The following FILIP1 variants were observed in gnomAD, a reference collection of about 807,000 sequenced individuals.
The protein encoded by FILIP1 is filamin-A-interacting protein 1.
A neutral mutation model predicts 102.1 loss-of-function variants in FILIP1; 61 were observed. The observed-to-expected ratio is 0.60, with a 90% confidence interval of 0.49 to 0.74. The LOEUF (loss-of-function observed/expected upper bound fraction) is 0.74, where lower values mean the gene tolerates loss of function less well. Ranked by LOEUF, FILIP1 falls within the 30% of genes least tolerant of loss-of-function variation. The pLI is 0.00. For missense variants in FILIP1, 1,314 were observed against 1,441.2 expected (o/e 0.91, Z 1.43); for synonymous variants, 491 against 526.9 (o/e 0.93, Z 0.93).
intron 1 of FILIP1, among the ~76,000 whole-genome samples, chr6:75,441,592 G>A (rs904185284): frequency 8.0e-5 from 12 of 150,554 alleles, no homozygotes; most frequent in South Asian, 4.2e-4. Flanking sequence ...CGGACGGGGC[G>A]GCTGGCCGGG....
chr6:75,416,249 G>C (rs1334281967), intron 1 of FILIP1, among the ~76,000 whole-genome samples: 1 of 152,108 alleles, frequency 6.6e-6, no homozygotes, highest in Non-Finnish European at 1.5e-5. Flanking sequence ...TTCAGATAGT[G>C]AATATCCAAT....
intron 3 of FILIP1, among the ~76,000 whole-genome samples, chr6:75,359,022 A>G (rs1035936986): frequency 2.0e-5 from 3 of 150,946 alleles, no homozygotes; most frequent in African/African-American, 7.3e-5. Flanking sequence ...TTTATTTTTG[A>G]GAAAGAGTCT....
chr6:75,408,310 C>T (rs1158937548), intron 2 of FILIP1, among the ~76,000 whole-genome samples: 2 of 152,180 alleles, frequency 1.3e-5, no homozygotes, highest in African/African-American at 4.8e-5. Context: ...AAATGTCCCT[C>T]TTCAAGACAA....
intron 1 of FILIP1, among the ~76,000 whole-genome samples, chr6:75,463,430 C>T (rs935708609): frequency 2.0e-4 from 30 of 152,104 alleles, no homozygotes; most frequent in African/African-American, 7.0e-4. Flanking sequence ...GCTAATTATG[C>T]TCAAGTATAA....
At chr6:75,412,346 A>C (rs1047983881) in intron 2 of FILIP1, among the ~76,000 whole-genome samples, 3 of 152,186 alleles carry the variant, frequency 2.0e-5, no homozygotes, top group African/African-American at 7.2e-5. Context: ...TAAATATACA[A>C]TCATGTTATC....
chr6:75,304,828 G>A (rs1242965139), downstream of FILIP1, among the ~76,000 whole-genome samples: 1 of 152,186 alleles, frequency 6.6e-6, no homozygotes, highest in Non-Finnish European at 1.5e-5. Context: ...GAAGTGGTAA[G>A]GAACATCTGT....
intron 2 of FILIP1, among the ~76,000 whole-genome samples, chr6:75,368,948 G>C (rs559854524): frequency 3.1e-4 from 47 of 152,296 alleles, no homozygotes; most frequent in Non-Finnish European, 5.0e-4. Context: ...GGGCAGGCCA[G>C]GAACTGTGTT....
At chr6:75,369,472 G>A (rs566796699) in intron 2 of FILIP1, among the ~76,000 whole-genome samples, 37 of 152,140 alleles carry the variant, frequency 2.4e-4, no homozygotes, top group Non-Finnish European at 3.4e-4. Flanking sequence ...GAATTTCATT[G>A]ATCATGTTTC....
chr6:75,380,323 G>GATATAGTT (rs1168742971), intron 2 of FILIP1, among the ~76,000 whole-genome samples: 14 of 151,952 alleles, frequency 9.2e-5, no homozygotes, highest in Non-Finnish European at 4.4e-5. Context: ...AAAGAAAAAT[G>GATATAGTT]CCTGAAAGGT....
chr6:75,364,940 G>A (rs895393016), intron 2 of FILIP1, among the ~76,000 whole-genome samples: 16 of 152,166 alleles, frequency 1.1e-4, no homozygotes, highest in East Asian at 7.7e-4. Context: ...AGACAAACTC[G>A]TCTTTAAAGA....
chr6:75,364,600 G>A (rs1399094775), intron 2 of FILIP1, among the ~76,000 whole-genome samples: 1 of 152,140 alleles, frequency 6.6e-6, no homozygotes, highest in African/African-American at 2.4e-5. Flanking sequence ...AATGCTGACT[G>A]TGCTGAAGTC....
At chr6:75,345,610 G>A (rs958977302) in intron 4 of FILIP1, among the ~76,000 whole-genome samples, 2 of 152,056 alleles carry the variant, frequency 1.3e-5, no homozygotes, top group African/African-American at 4.8e-5. Flanking sequence ...AGCCTTTTCC[G>A]TGCGCTATGT....
intron 1 of FILIP1, among the ~76,000 whole-genome samples, chr6:75,430,193 G>C (rs1777780495): frequency 6.6e-6 from 1 of 152,144 alleles, no homozygotes; most frequent in Non-Finnish European, 1.5e-5. Flanking sequence ...TGTAAGACGT[G>C]CCTGCTTCCT....
chr6:75,324,436 C>T (rs1413002652), intron 4 of FILIP1, among the ~76,000 whole-genome samples: 1 of 149,792 alleles, frequency 6.7e-6, no homozygotes, highest in Non-Finnish European at 1.5e-5. Flanking sequence ...AAAGAAATCA[C>T]AGATGATACA....
chr6:75,335,433 T>C (rs1052993265), intron 4 of FILIP1, among the ~76,000 whole-genome samples: 15 of 152,146 alleles, frequency 9.9e-5, no homozygotes, highest in African/African-American at 3.4e-4. Flanking sequence ...GCTTCTATCA[T>C]CTTCAAATTA....
intron 1 of FILIP1, among the ~76,000 whole-genome samples, chr6:75,418,432 G>A (rs754629642): frequency 1.3e-5 from 2 of 152,186 alleles, no homozygotes; most frequent in Non-Finnish European, 2.9e-5. Flanking sequence ...ATTATTAAGG[G>A]TACAGTTATG....
chr6:75,440,673 C>A (rs1037692902), intron 1 of FILIP1, among the ~76,000 whole-genome samples: 2 of 152,142 alleles, frequency 1.3e-5, no homozygotes, highest in African/African-American at 4.8e-5. Context: ...ATGGGTATGA[C>A]AGGCCGGACG....
At chr6:75,452,559 A>T (rs1210996575) in intron 1 of FILIP1, among the ~76,000 whole-genome samples, 1 of 152,204 alleles carries the variant, frequency 6.6e-6, no homozygotes, top group Non-Finnish European at 1.5e-5. Context: ...TTGGATTCCA[A>T]ATTCCACAAC....
In FILIP1 at chr6:75,312,825, G is replaced by A. The variant is rs34807169; in HGVS notation, c.3007C>T (p.Pro1003Ser). 4.8e-3 allele frequency: 7,824 copies of A among 1,614,122 alleles called. 335 individuals carry two copies. The African/African-American group carries it at 0.09, about 19-fold the overall frequency. The change falls in exon 5 of 6, where the codon CCC becomes TCC. Residue 1003 changes from proline (P) to serine (S), a missense_variant. This residue lies in a region of FILIP1 where 816 missense variants were observed against 913.1 expected (regional missense o/e 0.89). Transcript: ENST00000237172. ...GTCATTATCTGAATAGGGGATGTGG[G>A]CCTGTCTGCAAATGCGCCTCTTCCA... is the stretch of plus-strand genomic sequence containing the variant. ...ESGRGAFADR[P>S]TSPIQIMTVS...
Sources: gnomAD v4.1 joint callset for allele counts (sites outside exome capture counted in the v4.1 genomes callset) on GRCh38, gnomAD v4.1.1 for gene constraint, gnomAD v4.1.1 regional missense constraint, MANE v1.5 for transcripts, NCBI Gene and HGNC (gene_info 2026-07-23, HGNC 2026-07-21) for gene names.